TRIM9: variants seen among roughly 807,000 people sequenced by gnomAD.
The protein encoded by TRIM9 is E3 ubiquitin-protein ligase TRIM9.
Under a neutral mutation model 78.3 loss-of-function variants are expected in TRIM9, and 26 were observed. That is an observed-to-expected ratio of 0.33 (90% CI 0.24 to 0.46). The LOEUF is 0.46. Among genes scored for constraint, TRIM9 ranks in the 20% least tolerant of loss-of-function variants. The probability of loss-of-function intolerance (pLI) is 1.00; values close to 1 mark genes in which losing one functional copy is unlikely to be tolerated. For missense variants in TRIM9, 787 were observed against 1,036.4 expected (o/e 0.76, Z 3.30); for synonymous variants, 398 against 416.5 (o/e 0.96, Z 0.54).
chr14:51,028,450 T>C (rs994310903), intron 1 of TRIM9, among the ~76,000 whole-genome samples: 8 of 152,358 alleles, frequency 5.3e-5, no homozygotes, highest in South Asian at 2.1e-4. Context: ...TAGAAGAACA[T>C]TGTTATTGAC....
chr14:51,077,337 C>T (rs1462780127), intron 1 of TRIM9, among the ~76,000 whole-genome samples: 2 of 149,608 alleles, frequency 1.3e-5, no homozygotes, highest in Non-Finnish European at 3.0e-5. Flanking sequence ...GTAAGGCGAC[C>T]ATGAGCTGTC....
intron 1 of TRIM9, among the ~76,000 whole-genome samples, chr14:51,027,132 CTTTTTTTTTTT>C (rs566767264): frequency 1.9e-4 from 16 of 85,764 alleles, no homozygotes; most frequent in East Asian, 8.1e-4. Context: ...TGGCTGTTAA[CTTTTTTTTTTT>C]TTTTTTTTTT....
chr14:51,039,810 G>C (rs962208210), intron 1 of TRIM9, among the ~76,000 whole-genome samples: 4 of 151,576 alleles, frequency 2.6e-5, no homozygotes, highest in Non-Finnish European at 1.5e-5. Flanking sequence ...GCAGTGGCGC[G>C]ATCTCAGCTC....
At chr14:51,079,099 ATAGT>A (rs1318212396) in intron 1 of TRIM9, among the ~76,000 whole-genome samples, 6 of 152,230 alleles carry the variant, frequency 3.9e-5, no homozygotes, top group Non-Finnish European at 8.8e-5. Context: ...TTTTGTACAT[ATAGT>A]TTCAGAAAAC....
chr14:50,983,379 C>A lies in TRIM9; in HGVS notation c.1834+1G>T. On this transcript the variant is annotated splice_donor_variant, in intron 9 of 12. Coordinates refer to ENST00000684578, the MANE Select transcript of TRIM9 (RefSeq NM_001387360.1). LOFTEE classifies it high-confidence loss of function. ...AAGATAATTACAATAGGTATACTTG[C>A]CTAATTGAGAGTAAGGTGCAGATTG... 1 of 1,539,246 alleles carries A rather than the reference C, an allele frequency of 6.5e-7. No individual in the cohort carries two copies. Among genetic ancestry groups the A allele is most frequent in the Non-Finnish European group, 8.8e-7 (1 of 1,139,962 alleles).
intron 3 of TRIM9, among the ~76,000 whole-genome samples, chr14:51,021,142 G>A (rs1263158653): frequency 6.6e-6 from 1 of 152,158 alleles, no homozygotes; most frequent in Non-Finnish European, 1.5e-5. Context: ...TTTCTGAAGG[G>A]TGCTCAGATT....
At chr14:51,086,172 T>A (rs183084086) in intron 1 of TRIM9, among the ~76,000 whole-genome samples, 5 of 152,338 alleles carry the variant, frequency 3.3e-5, no homozygotes, top group Admixed American at 1.3e-4. Flanking sequence ...TTTATAGGTA[T>A]GCTTCCTGGG....
intron 1 of TRIM9, among the ~76,000 whole-genome samples, chr14:51,039,507 C>T (rs1278276899): frequency 1.3e-5 from 2 of 152,092 alleles, no homozygotes; most frequent in African/African-American, 4.8e-5. Flanking sequence ...TTTAAAAACA[C>T]TATGTTGAGC....
At chr14:51,083,837 A>G (rs1407362276) in intron 1 of TRIM9, among the ~76,000 whole-genome samples, 1 of 152,234 alleles carries the variant, frequency 6.6e-6, no homozygotes, top group Non-Finnish European at 1.5e-5. Context: ...ATTTTAACCA[A>G]AATAGTATTT....
intron 10 of TRIM9, 151 bp downstream of exon 10, chr14:50,982,791 G>T: frequency 1.5e-6 from 1 of 683,092 alleles, no homozygotes; most frequent in Non-Finnish European, 2.4e-6. Flanking sequence ...ATAGAATGAT[G>T]TCTTTGTACG....
intron 2 of TRIM9, 69 bp downstream of exon 2, chr14:51,025,196 G>C (rs1566590259): frequency 1.5e-6 from 2 of 1,374,830 alleles, no homozygotes; most frequent in Non-Finnish European, 2.0e-6. Flanking sequence ...AAGAGGAGAA[G>C]GAAACTCTCC....
intron 3 of TRIM9, among the ~76,000 whole-genome samples, chr14:51,015,402 G>C (rs1218459162): frequency 6.6e-6 from 1 of 151,010 alleles, no homozygotes; most frequent in Non-Finnish European, 1.5e-5. Context: ...CCATGACCTT[G>C]ACACCTTCCC....
intron 1 of TRIM9, among the ~76,000 whole-genome samples, chr14:51,088,063 T>C (rs1262357888): frequency 6.6e-6 from 1 of 152,224 alleles, no homozygotes; most frequent in African/African-American, 2.4e-5. Flanking sequence ...TTTACCTCTT[T>C]GACTTTTAAT....
chr14:51,010,618 A>G, intron 3 of TRIM9, 124 bp from the exon 4 acceptor site: 1 of 682,850 alleles, frequency 1.5e-6, no homozygotes, highest in African/African-American at 1.8e-5. Context: ...AACTAAATTT[A>G]TGAGAATATT....
intron 1 of TRIM9, among the ~76,000 whole-genome samples, chr14:51,046,771 C>G (rs530428815): frequency 1.3e-5 from 2 of 152,262 alleles, no homozygotes; most frequent in Admixed American, 1.3e-4. Context: ...AACTCTATAC[C>G]TTCGTTTCCT....
intron 1 of TRIM9, among the ~76,000 whole-genome samples, chr14:51,075,689 A>T (rs1159663424): frequency 6.6e-6 from 1 of 152,214 alleles, no homozygotes; most frequent in Non-Finnish European, 1.5e-5. Context: ...AAGGCCTTGA[A>T]ATAAAATGGA....
chr14:51,033,048 A>G (rs2058864135), intron 1 of TRIM9, among the ~76,000 whole-genome samples: 1 of 152,178 alleles, frequency 6.6e-6, no homozygotes, highest in Admixed American at 6.5e-5. Context: ...GGTCCTAATC[A>G]TTCTGGATAA....
chr14:51,026,230 A>G (rs2058219690), intron 1 of TRIM9, among the ~76,000 whole-genome samples: 1 of 152,076 alleles, frequency 6.6e-6, no homozygotes. Flanking sequence ...TTTAGGATGG[A>G]TGTGATGTCT....
chr14:51,016,981 C>T (rs897614460), intron 3 of TRIM9, among the ~76,000 whole-genome samples: 7 of 152,228 alleles, frequency 4.6e-5, no homozygotes, highest in African/African-American at 1.7e-4. Flanking sequence ...TTCTATGTGT[C>T]CCATTGTGTC....
Sources: gnomAD v4.1 joint callset for allele counts (sites outside exome capture counted in the v4.1 genomes callset) on GRCh38, gnomAD v4.1.1 for gene constraint, MANE v1.5 for transcripts, NCBI Gene and HGNC (gene_info 2026-07-23, HGNC 2026-07-21) for gene names.